The following IGSF5 variants were observed in gnomAD, a reference collection of about 807,000 sequenced individuals.
IGSF5 encodes the protein immunoglobulin superfamily member 5, also known as immunoglobulin superfamily 5 like.
Under a neutral mutation model 39.4 loss-of-function variants are expected in IGSF5, and 41 were observed. That is an observed-to-expected ratio of 1.04 (90% CI 0.81 to 1.35). IGSF5 has a LOEUF of 1.35. IGSF5 is among the 40% of genes most tolerant of loss of function. The pLI, the probability that IGSF5 is intolerant of heterozygous loss-of-function variation, is 0.00. For synonymous variants in IGSF5, 183 were observed against 175.3 expected (o/e 1.04, Z -0.34); for missense variants, 487 against 494.6 (o/e 0.98, Z 0.15).
chr21:39,771,286 C>T (rs1192568231), intron 4 of IGSF5, 71 bp downstream of exon 4: 1 of 1,363,878 alleles, frequency 7.3e-7, no homozygotes, highest in African/African-American at 1.5e-5. Context: ...TAGAATGCTC[C>T]TTCATCCACG....
At chr21:39,788,133 G>T in intron 5 of IGSF5, 34 bp from the exon 6 acceptor site, 1 of 1,551,084 alleles carries the variant, frequency 6.4e-7, no homozygotes, top group Non-Finnish European at 8.8e-7. Context: ...TAAGTATCCC[G>T]ATTTTTCCAA....
intron 6 of IGSF5, among the ~76,000 whole-genome samples, chr21:39,790,164 T>C (rs1308092441): frequency 6.6e-6 from 1 of 152,192 alleles, no homozygotes; most frequent in Non-Finnish European, 1.5e-5. Context: ...ATTAGGTGCA[T>C]GCATCAATGG....
At chr21:39,731,002 A>G in the IGSF5 span, among the ~76,000 whole-genome samples, 1 of 152,208 alleles carries the variant, frequency 6.6e-6, no homozygotes, top group Admixed American at 6.5e-5. Flanking sequence ...CTGTTTCTCC[A>G]TGGACAAACC....
upstream of IGSF5, among the ~76,000 whole-genome samples, chr21:39,744,662 C>G (rs1281333820): frequency 6.6e-6 from 1 of 152,194 alleles, no homozygotes; most frequent in Non-Finnish European, 1.5e-5. Flanking sequence ...AGGGAATTAT[C>G]AGCGGTTGGA....
chr21:39,728,228 G>C, the IGSF5 span, among the ~76,000 whole-genome samples: 1 of 152,132 alleles, frequency 6.6e-6, no homozygotes, highest in Non-Finnish European at 1.5e-5. Context: ...TGCAAATAGG[G>C]TCTCTGCAGA....
At chr21:39,757,049 G>C (rs1011927517) in intron 2 of IGSF5, among the ~76,000 whole-genome samples, 2 of 113,688 alleles carry the variant, frequency 1.8e-5, no homozygotes, top group Non-Finnish European at 4.2e-5. Context: ...CAGTCCCCCC[G>C]AGAGCCTTAG....
chr21:39,784,970 C>CTT (rs59416564), intron 5 of IGSF5, among the ~76,000 whole-genome samples: 2 of 138,908 alleles, frequency 1.4e-5, no homozygotes, highest in East Asian at 2.1e-4. Flanking sequence ...AGGCTCCTTT[C>CTT]TTTTTTTTTT....
chr21:39,715,733 C>T, the IGSF5 span, among the ~76,000 whole-genome samples: 1 of 152,160 alleles, frequency 6.6e-6, no homozygotes, highest in African/African-American at 2.4e-5. Context: ...AGTATAAATA[C>T]AATTTCATTT....
chr21:39,750,918 T>C (rs1353476502), intron 2 of IGSF5, among the ~76,000 whole-genome samples: 2 of 152,150 alleles, frequency 1.3e-5, no homozygotes, highest in Non-Finnish European at 2.9e-5. Flanking sequence ...GGGCGGGAGC[T>C]GAGCAGTGCC....
At position 39,779,074 on chromosome 21, in the gene IGSF5, T is replaced by A. The variant is rs781422090; in HGVS notation, c.719-16T>A. 6.2e-7 allele frequency: 1 copy of A among 1,609,746 alleles called. No homozygotes were observed. Among genetic ancestry groups the A allele is most frequent in the Non-Finnish European group, 8.5e-7 (1 of 1,176,782 alleles). ...GCAGTGCAAGTATCACTAAAATATA[T>A]TTTTTTCTTCTTTAGACACTGGAGG... On this transcript the variant is annotated splice_polypyrimidine_tract_variant and intron_variant, in intron 4 of 8. Coordinates refer to ENST00000380588, the MANE Select transcript of IGSF5 (RefSeq NM_001080444.2).
At chr21:39,779,601 T>A (rs950574883) in intron 5 of IGSF5, among the ~76,000 whole-genome samples, 1 of 152,196 alleles carries the variant, frequency 6.6e-6, no homozygotes, top group Non-Finnish European at 1.5e-5. Context: ...TATCTGCATT[T>A]CCACGTTCAT....
At chr21:39,767,640 T>G (rs1396471414) in intron 3 of IGSF5, among the ~76,000 whole-genome samples, 1 of 152,156 alleles carries the variant, frequency 6.6e-6, no homozygotes, top group Non-Finnish European at 1.5e-5. Context: ...ATTGTGTTGG[T>G]TATTTAAGAG....
the IGSF5 span, among the ~76,000 whole-genome samples, chr21:39,727,129 T>A: frequency 6.6e-6 from 1 of 152,302 alleles, no homozygotes; most frequent in African/African-American, 2.4e-5. Context: ...GAAGTAGGAT[T>A]GGTTGCTTTC....
intron 4 of IGSF5, among the ~76,000 whole-genome samples, chr21:39,772,506 G>T (rs1037600652): frequency 1.6e-4 from 25 of 152,292 alleles, no homozygotes; most frequent in South Asian, 6.2e-4. Flanking sequence ...CCTCCTGAGG[G>T]CTGGGAGGGA....
intron 2 of IGSF5, among the ~76,000 whole-genome samples, chr21:39,746,820 T>C (rs1038135295): frequency 1.3e-5 from 2 of 152,234 alleles, no homozygotes; most frequent in Admixed American, 1.3e-4. Flanking sequence ...ATTGTTTTTA[T>C]TGCCTACTAT....
At chr21:39,774,014 T>C (rs145058813) in intron 4 of IGSF5, among the ~76,000 whole-genome samples, 2 of 152,334 alleles carry the variant, frequency 1.3e-5, no homozygotes, top group Non-Finnish European at 2.9e-5. Context: ...TTCTTCTTAG[T>C]CCAGAACTAG....
chr21:39,792,263 G>A (rs111713422), intron 7 of IGSF5, among the ~76,000 whole-genome samples, 164 bp downstream of exon 7: 9 of 152,252 alleles, frequency 5.9e-5, no homozygotes, highest in African/African-American at 2.2e-4. Context: ...GAATACTCTA[G>A]GAGTAGGTTA....
At chr21:39,773,933 C>G (rs1450057014) in intron 4 of IGSF5, among the ~76,000 whole-genome samples, 1 of 152,138 alleles carries the variant, frequency 6.6e-6, no homozygotes, top group Non-Finnish European at 1.5e-5. Context: ...GGCTTGCTTG[C>G]AAATGTTTTC....
chr21:39,723,629 A>C, the IGSF5 span, among the ~76,000 whole-genome samples: 3 of 152,122 alleles, frequency 2.0e-5, no homozygotes, highest in Admixed American at 2.0e-4. Flanking sequence ...TGTCACCCTG[A>C]CCTCACTGAG....
Sources: allele counts gnomAD v4.1 joint callset (sites outside exome capture counted in the v4.1 genomes callset), GRCh38; gene constraint gnomAD v4.1.1; transcripts MANE v1.5; gene names NCBI Gene and HGNC (gene_info 2026-07-23, HGNC 2026-07-21).